The following GALK2 variants were observed in gnomAD, a reference collection of about 807,000 sequenced individuals.
The protein encoded by GALK2 is galactokinase 2.
Under a neutral mutation model 52.4 loss-of-function variants are expected in GALK2, and 36 were observed. The observed-to-expected ratio is 0.69, with a 90% CI of 0.53 to 0.91. The LOEUF (loss-of-function observed/expected upper bound fraction) is 0.91. Among genes scored for constraint, GALK2 ranks in the 40% least tolerant of loss-of-function variants. The pLI is 0.00. For missense variants in GALK2, 579 were observed against 559.1 expected, an observed-to-expected ratio of 1.04 and a Z score of -0.36; for synonymous variants, 176 against 199.1, an observed-to-expected ratio of 0.88 and a Z score of 0.98.
upstream of GALK2, among the ~76,000 whole-genome samples, chr15:49,169,411 C>G (rs1271369128): frequency 1.3e-5 from 2 of 152,044 alleles, no homozygotes; most frequent in Non-Finnish European, 2.9e-5. Flanking sequence ...ATCACTGTGA[C>G]CTCAGGCACA....
At chr15:49,356,263 G>T (rs1414126700) in intron 3 of GALK2, among the ~76,000 whole-genome samples, 5 of 151,800 alleles carry the variant, frequency 3.3e-5, no homozygotes, top group Admixed American at 6.6e-5. Context: ...TGGACTAAAT[G>T]CTCCAATTAA....
At chr15:49,270,091 T>G (rs2030209089) in intron 5 of GALK2, among the ~76,000 whole-genome samples, 1 of 152,222 alleles carries the variant, frequency 6.6e-6, no homozygotes, top group Non-Finnish European at 1.5e-5. Context: ...TCCCATCTGC[T>G]ATGTCTCAGT....
intron 1 of GALK2, chr15:49,170,695 T>A: frequency 3.6e-6 from 1 of 276,022 alleles, no homozygotes. Context: ...AACTCCTCTC[T>A]TTGTCTCGCA....
intron 3 of GALK2, among the ~76,000 whole-genome samples, chr15:49,360,557 G>A (rs958322670): frequency 7.9e-6 from 1 of 126,114 alleles, no homozygotes; most frequent in Non-Finnish European, 1.8e-5. Context: ...GGCTTGAGGT[G>A]GCTTATAAAA....
Position 49,250,062 on chromosome 15 carries a change from C to T in GALK2, c.504+10695C>T, listed in dbSNP as rs71467669. On this transcript the variant is annotated intron_variant, in intron 5 of 9. Transcript: ENST00000560031. ...TGGACGCGTCAGGTTATAAATGACT[C>T]TGTCTCCTTTGTTTGGTGTACTCTT... Among the ~76,000 whole-genome samples the T allele has an allele frequency of 2.4e-3, 370 of 152,316 alleles. 3 individuals carry two copies. The highest frequency in any genetic ancestry group is 4.1e-3 in the South Asian group (20 of 4,826).
chr15:49,163,448 A>G (rs545062798), intron 1 of GALK2, among the ~76,000 whole-genome samples: 82 of 152,022 alleles, frequency 5.4e-4, no homozygotes, highest in Non-Finnish European at 1.1e-3. Context: ...TGGAAGTTTT[A>G]TATAGTTTTA....
At chr15:49,345,102 TTGAG>T (rs1339065366) in intron 3 of GALK2, among the ~76,000 whole-genome samples, 8 of 152,346 alleles carry the variant, frequency 5.3e-5, no homozygotes, top group African/African-American at 1.4e-4. Flanking sequence ...TTGTGCTCTC[TTGAG>T]TATCATTTCC....
intron 1 of GALK2, among the ~76,000 whole-genome samples, chr15:49,184,036 G>A (rs145426321): frequency 6.6e-6 from 1 of 152,108 alleles, no homozygotes; most frequent in African/African-American, 2.4e-5. Context: ...TTTCTGTCTG[G>A]ATGATCTGTC....
intron 3 of GALK2, among the ~76,000 whole-genome samples, chr15:49,225,932 C>T (rs2090108443): frequency 6.6e-6 from 1 of 152,226 alleles, no homozygotes; most frequent in Non-Finnish European, 1.5e-5. Context: ...GCACTGTACT[C>T]ATGTTCCTGT....
rs531651638 is a variant in GALK2, at chr15:49,337,356, G to C, written c.426+17551G>C. On this transcript the variant is annotated intron_variant, in intron 3 of 3. Coordinates refer to the GALK2 transcript ENST00000558399. Reference sequence around the variant, plus strand: ...CTCTGCAGCCCCATCAGCATCTATTGTTTTTTGACTTTTTAATAATAGTCA... The same window carrying C: ...CTCTGCAGCCCCATCAGCATCTATTCTTTTTTGACTTTTTAATAATAGTCA... Among the ~76,000 whole-genome samples the C allele has an allele frequency of 3.9e-5, 6 of 152,012 alleles. No individual in the cohort carries two copies. The South Asian group carries it at 1.0e-3, about 26-fold the overall frequency.
At chr15:49,280,906 G>A (rs1304684514) in intron 5 of GALK2, among the ~76,000 whole-genome samples, 2 of 151,996 alleles carry the variant, frequency 1.3e-5, no homozygotes, top group East Asian at 1.9e-4. Context: ...GTGCAACCTC[G>A]GCTCACTGCA....
At chr15:49,310,212 G>A in intron 8 of GALK2, among the ~76,000 whole-genome samples, 1 of 152,030 alleles carries the variant, frequency 6.6e-6, no homozygotes, top group Admixed American at 6.6e-5. Context: ...GCTAATGACA[G>A]GATTTCATTC....
intron 5 of GALK2, among the ~76,000 whole-genome samples, chr15:49,255,648 A>C (rs993937681): frequency 1.7e-4 from 18 of 105,726 alleles, no homozygotes; most frequent in Non-Finnish European, 3.5e-4. Flanking sequence ...TAATACACAG[A>C]GATAGGTAGA....
intron 3 of GALK2, among the ~76,000 whole-genome samples, chr15:49,219,868 G>A (rs1229713653): frequency 6.6e-6 from 1 of 152,064 alleles, no homozygotes; most frequent in Non-Finnish European, 1.5e-5. Context: ...TTCACCAGTG[G>A]TGTTACTAAC....
chr15:49,287,717 A>AACT (rs1431628401), intron 7 of GALK2, among the ~76,000 whole-genome samples: 10 of 152,230 alleles, frequency 6.6e-5, no homozygotes, highest in African/African-American at 2.4e-4. Context: ...TAGTTTTGAA[A>AACT]ATGAGACTGA....
chr15:49,303,700 C>T lies in GALK2; in HGVS notation c.967+11163C>T, dbSNP rs542686547. ...TTGGCATCACTGGCCTCCTTGGTCT[C>T]CTCAGCTCTGACCACCACCTTGGTC... On this transcript the variant is annotated intron_variant, in intron 8 of 9. Coordinates refer to ENST00000560031, the MANE Select transcript of GALK2 (RefSeq NM_002044.4). 1.2e-4 allele frequency among the ~76,000 whole-genome samples: 19 copies of T among 152,302 alleles called. 1 individual carries two copies. Among genetic ancestry groups the T allele is most frequent in the African/African-American group, 4.6e-4 (19 of 41,568 alleles).
intron 6 of GALK2, among the ~76,000 whole-genome samples, chr15:49,282,865 A>C (rs1017988363): frequency 6.6e-6 from 1 of 152,210 alleles, no homozygotes; most frequent in African/African-American, 2.4e-5. Flanking sequence ...AATACTAAGA[A>C]AATACTTTGG....
intron 5 of GALK2, among the ~76,000 whole-genome samples, chr15:49,243,376 C>G (rs2091191980): frequency 1.3e-5 from 2 of 152,102 alleles, no homozygotes; most frequent in South Asian, 4.1e-4. Flanking sequence ...TACTGGCACA[C>G]TGGCAACCTC....
At chr15:49,222,282 G>T (rs1037157880) in intron 3 of GALK2, among the ~76,000 whole-genome samples, 1 of 152,044 alleles carries the variant, frequency 6.6e-6, no homozygotes, top group Admixed American at 6.6e-5. Context: ...TATTTATTAG[G>T]TGTAAGAGTT....
Sources: allele counts gnomAD v4.1 joint callset (sites outside exome capture counted in the v4.1 genomes callset), GRCh38; gene constraint gnomAD v4.1.1; transcripts MANE v1.5; gene names NCBI Gene and HGNC (gene_info 2026-07-23, HGNC 2026-07-21).